The following ENTPD5 variants were observed in gnomAD, a reference collection of about 807,000 sequenced individuals.
ENTPD5 encodes nucleoside diphosphate phosphatase ENTPD5.
ENTPD5 carries 49 observed loss-of-function variants against 60.2 expected under a neutral mutation model. That is an observed-to-expected ratio of 0.81 (90% CI 0.65 to 1.03). ENTPD5 has a LOEUF of 1.03. ENTPD5 is among the 50% of genes least tolerant of loss of function. ENTPD5 has a pLI of 0.00. For missense variants in ENTPD5, 480 were observed against 507.6 expected (o/e 0.95, Z 0.52); for synonymous variants, 187 against 185.4 (o/e 1.01, Z -0.07).
downstream of ENTPD5, chr14:73,962,010 C>T (rs2140423374): frequency 7.7e-7 from 1 of 1,293,058 alleles, no homozygotes; most frequent in Non-Finnish European, 1.1e-6. Context: ...TGCAGTGGCA[C>T]AATTTCCACT....
intron 1 of ENTPD5, among the ~76,000 whole-genome samples, chr14:74,016,753 T>G (rs2059027847): frequency 6.6e-6 from 1 of 152,252 alleles, no homozygotes; most frequent in Non-Finnish European, 1.5e-5. Flanking sequence ...TACATTAATC[T>G]GTAAGCCTAT....
rs1310798688 is a variant in ENTPD5 at position 73,988,066 on chromosome 14, C to A, written c.37G>T (p.Val13Leu). ...ACAGCGCTGCAAACACAGGATACCA[C>A]CAGCATGAAAAAGACTGTGCCCCAA... ...TSWGTVFFML[V>L]VSCVCSAVSH... The change falls in exon 4 of 16, where the codon GTG becomes TTG. Residue 13 changes from valine (V) to leucine (L), a missense_variant. Physicochemically the swap from Val to Leu is conservative, Grantham distance 32 (BLOSUM62 1). Coordinates refer to ENST00000334696, the MANE Select transcript of ENTPD5 (RefSeq NM_001249.5). 3 of 1,613,328 alleles carry A rather than the reference C, an allele frequency of 1.9e-6. No homozygotes were observed. The Admixed American group carries it at 5.0e-5, about 27-fold the overall frequency.
chr14:73,966,845 C>A lies in ENTPD5; in HGVS notation c.*83G>T. 1 of 1,042,172 alleles carries A rather than the reference C, an allele frequency of 9.6e-7. No individual in the cohort carries two copies. The highest frequency in any genetic ancestry group is 1.3e-5 in the South Asian group (1 of 76,992). 64.6% of individuals were successfully genotyped at this position (1,042,172 alleles called of 1,614,324 possible). A position where few individuals can be genotyped will look rare whatever the true frequency, so the allele number is the denominator to read the frequency against. On this transcript the variant is annotated 3_prime_UTR_variant, in exon 16 of 16. Transcript: ENST00000334696. ...CTCTAGGCTCAAGTCCAGGATGTCC[C>A]CAGACTAGTTCAGAAACTAAGTGCT...
chr14:73,977,046 C>T lies in ENTPD5; in HGVS notation c.531G>A (p.Trp177Ter). The change falls in exon 8 of 16, where the codon TGG becomes TGA. Residue 177 changes from tryptophan to a stop codon, truncating the protein, a stop_gained. Coordinates refer to ENST00000334696, the MANE Select transcript of ENTPD5 (RefSeq NM_001249.5). LOFTEE classifies it high-confidence loss of function. ...TACCTGTCAGAAAATTCACAGTAAC[C>T]CAAGCTAATATGCCTAAAAAGAAAG... ...MDGSDEGILA[W>*]VTVNFLTGQL... 1 of 1,613,428 alleles carries T rather than the reference C, an allele frequency of 6.2e-7. No individual in the cohort carries two copies. Among genetic ancestry groups the T allele is most frequent in the Non-Finnish European group, 8.5e-7 (1 of 1,179,670 alleles).
chr14:73,971,851 C>G lies in ENTPD5; in HGVS notation c.1084+1G>C, dbSNP rs777908019. On this transcript the variant is annotated splice_donor_variant, in intron 14 of 15. Transcript: ENST00000334696. LOFTEE classifies it high-confidence loss of function. The stretch of plus-strand genomic sequence containing the variant: ...CTTCAAGGGCTTCCCCTGACACTTA[C>G]CTTCCCTGGCTTTTCTTTCAAAATC... 1.2e-6 allele frequency: 2 copies of G among 1,604,798 alleles called. No homozygotes were observed. The highest frequency in any genetic ancestry group is 1.7e-5 in the Admixed American group (1 of 60,016).
chr14:73,997,261 A>G (rs1400420223), intron 3 of ENTPD5, among the ~76,000 whole-genome samples: 1 of 152,182 alleles, frequency 6.6e-6, no homozygotes, highest in African/African-American at 2.4e-5. Flanking sequence ...GCAGAGAATC[A>G]GATTTCAAAA....
At chr14:73,985,998 C>T (rs556383703) in intron 5 of ENTPD5, among the ~76,000 whole-genome samples, 22 of 148,216 alleles carry the variant, frequency 1.5e-4, no homozygotes, top group Admixed American at 3.5e-4. Context: ...CTTGAACCCG[C>T]GAGGCAGAGG....
At chr14:73,967,283 T>C (rs527371465) in intron 15 of ENTPD5, among the ~76,000 whole-genome samples, 169 of 152,330 alleles carry the variant, frequency 1.1e-3, no homozygotes, top group Non-Finnish European at 2.0e-3. Context: ...TCTAGAGAGA[T>C]AGTTTAGACA....
At chr14:73,969,528 C>A (rs141803559) in intron 15 of ENTPD5, among the ~76,000 whole-genome samples, 2,220 of 152,036 alleles carry the variant, frequency 0.015, 52 homozygotes, top group African/African-American at 0.05. Flanking sequence ...ATAGTGAAAC[C>A]CCATCTCCAA....
chr14:74,014,637 A>AT (rs779757458), intron 2 of ENTPD5, among the ~76,000 whole-genome samples: 1 of 152,210 alleles, frequency 6.6e-6, no homozygotes, highest in Non-Finnish European at 1.5e-5. Context: ...ATTTTTAAAA[A>AT]TTTATCTAAA....
At chr14:73,958,571 G>A (rs111556456), downstream of ENTPD5, 9 of 1,298,324 alleles carry the variant, frequency 6.9e-6, 1 homozygote, top group African/African-American at 9.0e-5. Flanking sequence ...GGAGTCTGTG[G>A]TCATTGATCT....
intron 3 of ENTPD5, among the ~76,000 whole-genome samples, chr14:74,004,659 G>A (rs2058615605): frequency 6.6e-6 from 1 of 152,078 alleles, no homozygotes; most frequent in South Asian, 2.1e-4. Flanking sequence ...TGGGCAGGAA[G>A]TCTCAGTAGC....
chr14:73,961,986 C>G, downstream of ENTPD5: 1 of 1,516,864 alleles, frequency 6.6e-7, no homozygotes, highest in Non-Finnish European at 9.1e-7. Context: ...TTGGTCTTAT[C>G]GCCCAGGATG....
downstream of ENTPD5, chr14:73,958,345 C>G: frequency 1.2e-6 from 2 of 1,609,950 alleles, no homozygotes; most frequent in South Asian, 2.2e-5. Context: ...TCTAGGGACT[C>G]TGGTTTTCGA....
Position 73,976,025 on chromosome 14 carries a change from A to G in ENTPD5, c.643-10T>C, listed in dbSNP as rs201737621. 814 of 1,608,998 alleles carry G rather than the reference A, an allele frequency of 5.1e-4. No individual in the cohort carries two copies. The highest frequency in any genetic ancestry group is 6.7e-4 in the Non-Finnish European group (788 of 1,176,616). On this transcript the variant is annotated splice_polypyrimidine_tract_variant and intron_variant, in intron 9 of 15. Transcript: ENST00000334696. The stretch of plus-strand genomic sequence containing the variant: ...TTTGTTCCAGAGTTTTCTGCAAATC[A>G]GAAAAAGCAAAAAGACTATTCAGGA...
intron 3 of ENTPD5, among the ~76,000 whole-genome samples, chr14:74,003,787 A>G (rs2058581830): frequency 1.3e-5 from 2 of 152,100 alleles, no homozygotes. Flanking sequence ...TCAAAAAAAA[A>G]GAAAAAGAAA....
intron 3 of ENTPD5, among the ~76,000 whole-genome samples, chr14:74,000,455 G>A (rs1030978120): frequency 1.3e-5 from 2 of 151,212 alleles, no homozygotes; most frequent in Non-Finnish European, 2.9e-5. Flanking sequence ...ACTGAACCCC[G>A]TCTCAATTTA....
chr14:73,972,235 G>A (rs1358317966), intron 13 of ENTPD5, among the ~76,000 whole-genome samples: 1 of 152,050 alleles, frequency 6.6e-6, no homozygotes, highest in Non-Finnish European at 1.5e-5. Context: ...TTAGCCGGGT[G>A]TGGTGGCAGG....
intron 15 of ENTPD5, among the ~76,000 whole-genome samples, chr14:73,969,610 A>T (rs767203185): frequency 1.4e-4 from 21 of 152,128 alleles, no homozygotes; most frequent in African/African-American, 1.9e-4. Context: ...AGGCTGAGGC[A>T]GAAGAATCGC....
Sources: allele counts gnomAD v4.1 joint callset (sites outside exome capture counted in the v4.1 genomes callset), GRCh38; gene constraint gnomAD v4.1.1; transcripts MANE v1.5; gene names NCBI Gene and HGNC (gene_info 2026-07-23, HGNC 2026-07-21).